ZMIZ1: variants seen among roughly 807,000 people sequenced by gnomAD.
ZMIZ1 encodes zinc finger MIZ domain-containing protein 1.
Under a neutral mutation model 113.9 loss-of-function variants are expected in ZMIZ1, and 17 were observed. The ratio of observed to expected loss-of-function variants is 0.15; its 90% CI spans 0.10 to 0.22. ZMIZ1 has a LOEUF of 0.22. Ranked by LOEUF, ZMIZ1 falls within the 10% of genes least tolerant of loss-of-function variation. ZMIZ1 has a pLI of 1.00. For missense variants in ZMIZ1, 1,059 were observed against 1,477.8 expected, an observed-to-expected ratio of 0.72 and a Z score of 4.65; for synonymous variants, 607 against 603.1, an observed-to-expected ratio of 1.01 and a Z score of -0.09.
intron 4 of ZMIZ1, among the ~76,000 whole-genome samples, chr10:79,172,130 C>T (rs370166522): frequency 6.6e-6 from 1 of 152,132 alleles, no homozygotes; most frequent in Admixed American, 6.5e-5. Flanking sequence ...CACAGCAGCT[C>T]AGCCTCATTC....
chr10:79,073,203 T>C (rs1842352352), intron 1 of ZMIZ1, among the ~76,000 whole-genome samples: 1 of 152,126 alleles, frequency 6.6e-6, no homozygotes, highest in Admixed American at 6.5e-5. Flanking sequence ...ATCTGTAAAA[T>C]GGGTCTGAGG....
At chr10:79,135,365 G>A (rs1300257763) in intron 2 of ZMIZ1, among the ~76,000 whole-genome samples, 1 of 152,150 alleles carries the variant, frequency 6.6e-6, no homozygotes, top group Non-Finnish European at 1.5e-5. Flanking sequence ...CCTGCAGTTG[G>A]TCAGAATTAG....
intron 5 of ZMIZ1, among the ~76,000 whole-genome samples, chr10:79,208,060 T>A (rs991179067): frequency 8.3e-6 from 1 of 120,992 alleles, no homozygotes; most frequent in African/African-American, 3.1e-5. Flanking sequence ...GGGGTAGAGG[T>A]GGAGGTGAGG....
At chr10:79,267,894 G>A (rs1438918950) in intron 7 of ZMIZ1, among the ~76,000 whole-genome samples, 1 of 152,096 alleles carries the variant, frequency 6.6e-6, no homozygotes, top group Non-Finnish European at 1.5e-5. Context: ...TCAAACCCCT[G>A]TGTCTGCTGC....
At chr10:79,266,528 C>T (rs1564565316) in intron 7 of ZMIZ1, among the ~76,000 whole-genome samples, 1 of 152,210 alleles carries the variant, frequency 6.6e-6, no homozygotes, top group Non-Finnish European at 1.5e-5. Context: ...CGGTTAGATC[C>T]TCATCCACAG....
chr10:79,278,518 G>A (rs1369242008), intron 8 of ZMIZ1, among the ~76,000 whole-genome samples: 2 of 151,770 alleles, frequency 1.3e-5, no homozygotes, highest in Admixed American at 6.6e-5. Flanking sequence ...GGACAATAGT[G>A]CAGGGAAGGT....
chr10:79,178,257 G>A (rs1846954317), intron 4 of ZMIZ1, among the ~76,000 whole-genome samples: 2 of 152,198 alleles, frequency 1.3e-5, no homozygotes, highest in Non-Finnish European at 2.9e-5. Context: ...GGCCCCATTC[G>A]AGTGCTCATG....
At chr10:79,108,704 C>G (rs978556532) in intron 1 of ZMIZ1, among the ~76,000 whole-genome samples, 18 of 152,120 alleles carry the variant, frequency 1.2e-4, no homozygotes, top group Non-Finnish European at 1.6e-4. Context: ...GGCTGCTTCT[C>G]TGTTCTAAGC....
At chr10:79,304,870 C>A (rs1295253075) in intron 19 of ZMIZ1, among the ~76,000 whole-genome samples, 1 of 152,100 alleles carries the variant, frequency 6.6e-6, no homozygotes, top group Non-Finnish European at 1.5e-5. Context: ...GGGGCTATTA[C>A]AGGGCAAAAA....
At chr10:79,153,966 G>T (rs1845802215) in intron 3 of ZMIZ1, among the ~76,000 whole-genome samples, 1 of 152,220 alleles carries the variant, frequency 6.6e-6, no homozygotes, top group African/African-American at 2.4e-5. Flanking sequence ...CCTGGCCCAG[G>T]AAGGGGGTCA....
At chr10:79,122,367 C>G (rs1304859066) in intron 2 of ZMIZ1, among the ~76,000 whole-genome samples, 1 of 152,182 alleles carries the variant, frequency 6.6e-6, no homozygotes, top group Non-Finnish European at 1.5e-5. Context: ...CAAGGCTCTC[C>G]TGACCCACCC....
intron 7 of ZMIZ1, among the ~76,000 whole-genome samples, chr10:79,247,935 T>TGA (rs1850305524): frequency 6.6e-6 from 1 of 152,200 alleles, no homozygotes; most frequent in Non-Finnish European, 1.5e-5. Context: ...TCACTTCCCC[T>TGA]CTGGGGGCCT....
intron 1 of ZMIZ1, among the ~76,000 whole-genome samples, chr10:79,094,168 G>A (rs796550918): frequency 5.3e-5 from 8 of 152,330 alleles, no homozygotes; most frequent in African/African-American, 1.9e-4. Flanking sequence ...AAATGCCAAG[G>A]AACCCTTCCT....
At chr10:79,082,511 G>A (rs1842691015) in intron 1 of ZMIZ1, among the ~76,000 whole-genome samples, 1 of 152,180 alleles carries the variant, frequency 6.6e-6, no homozygotes. Flanking sequence ...GGAGCAGGAG[G>A]GACCTGGGCA....
chr10:79,251,514 C>T (rs1382710713), intron 7 of ZMIZ1, among the ~76,000 whole-genome samples: 1 of 152,054 alleles, frequency 6.6e-6, no homozygotes, highest in Non-Finnish European at 1.5e-5. Context: ...TATCCAGACA[C>T]TCCCCCAACC....
intron 23 of ZMIZ1, among the ~76,000 whole-genome samples, chr10:79,308,662 G>A (rs148658963): frequency 1.3e-5 from 2 of 152,264 alleles, no homozygotes; most frequent in East Asian, 3.9e-4. Context: ...TAGATGCTTT[G>A]TGGAGCTTTG....
intron 3 of ZMIZ1, among the ~76,000 whole-genome samples, chr10:79,154,997 CTGTGAG>C (rs1335306362): frequency 2.6e-5 from 4 of 152,186 alleles, no homozygotes; most frequent in Non-Finnish European, 5.9e-5. Flanking sequence ...TTCAACAACT[CTGTGAG>C]AGTAGTGACT....
chr10:79,218,294 C>T (rs1368867982), intron 7 of ZMIZ1, among the ~76,000 whole-genome samples: 3 of 151,984 alleles, frequency 2.0e-5, no homozygotes, highest in African/African-American at 4.8e-5. Context: ...GGTAACATGG[C>T]GAAACCCCAT....
In ZMIZ1 at chr10:79,314,567, CT is replaced by C. The variant is rs1855415627; in HGVS notation, c.*1821del. 1 of 259,924 alleles carries C rather than the reference CT, an allele frequency of 3.8e-6. No homozygotes were observed. Among genetic ancestry groups the C allele is most frequent in the Non-Finnish European group, 7.6e-6 (1 of 130,950 alleles). The allele number at this position is 259,924 out of a possible 1,614,324, so 16.1% of individuals were successfully genotyped here. A position where few individuals can be genotyped will look rare whatever the true frequency, so the allele number is the denominator to read the frequency against. ...TTTTAAGAATCGCTTTTGTAAATATCTTTGTGAATATTTTAGTATCGTCTTT... is the reference window on the plus strand; with the variant it reads ...TTTTAAGAATCGCTTTTGTAAATATCTTGTGAATATTTTAGTATCGTCTTT... On this transcript the variant is annotated 3_prime_UTR_variant, in exon 25 of 25. Transcript: ENST00000334512.
Sources: gnomAD v4.1 joint callset for allele counts (sites outside exome capture counted in the v4.1 genomes callset) on GRCh38, gnomAD v4.1.1 for gene constraint, MANE v1.5 for transcripts, NCBI Gene and HGNC (gene_info 2026-07-23, HGNC 2026-07-21) for gene names.